The following MYOZ3 variants were observed in gnomAD, a reference collection of about 807,000 sequenced individuals.
The protein encoded by MYOZ3 is myozenin-3.
A neutral mutation model predicts 26.5 loss-of-function variants in MYOZ3; 19 were observed. The ratio of observed to expected loss-of-function variants is 0.72; its 90% CI spans 0.50 to 1.05. The LOEUF (loss-of-function observed/expected upper bound fraction) is 1.05, where lower values mean the gene tolerates loss of function less well. Ranked by LOEUF, MYOZ3 falls within the 50% of genes least tolerant of loss-of-function variation. The pLI is 0.00. For synonymous variants in MYOZ3, 135 were observed against 138.8 expected (o/e 0.97, Z 0.19); for missense variants, 322 against 337.1 (o/e 0.96, Z 0.35).
chr5:150,672,246 C>T (rs1309747298), intron 5 of MYOZ3, 94 bp from the exon 6 acceptor site: 9 of 1,534,618 alleles, frequency 5.9e-6, no homozygotes. Context: ...ATCTTCCCTC[C>T]TCCAACCGCG....
intron 2 of MYOZ3, among the ~76,000 whole-genome samples, chr5:150,667,002 A>T (rs558375686): frequency 6.6e-6 from 1 of 151,702 alleles, no homozygotes; most frequent in South Asian, 2.1e-4. Context: ...CAAGTGATCC[A>T]CCCTCCTCTG....
chr5:150,673,893 C>T (rs1340299094), intron 6 of MYOZ3, among the ~76,000 whole-genome samples: 3 of 152,114 alleles, frequency 2.0e-5, no homozygotes, highest in African/African-American at 7.2e-5. Flanking sequence ...ACAGAGAGGA[C>T]GCCACGGTCC....
chr5:150,676,585 T>C (rs991002307), intron 6 of MYOZ3, 122 bp from the exon 7 acceptor site: 6 of 762,818 alleles, frequency 7.9e-6, no homozygotes, highest in Non-Finnish European at 1.0e-5. Context: ...TCTTGCTGTA[T>C]AGAAGGGAAA....
intron 1 of MYOZ3, among the ~76,000 whole-genome samples, chr5:150,662,041 A>G (rs1758742028): frequency 6.6e-6 from 1 of 152,202 alleles, no homozygotes; most frequent in Non-Finnish European, 1.5e-5. Flanking sequence ...CAGTTGCACA[A>G]TGCAGTGCCC....
intron 6 of MYOZ3, among the ~76,000 whole-genome samples, chr5:150,676,484 C>T (rs1213802990): frequency 6.9e-6 from 1 of 144,888 alleles, no homozygotes; most frequent in East Asian, 2.0e-4. Flanking sequence ...GCGGAGGTTG[C>T]AGTGAGCTGA....
At chr5:150,660,950 C>CGTCT (rs1554113464), upstream of MYOZ3, 2 of 18,648 alleles carry the variant, frequency 1.1e-4, no homozygotes, top group African/African-American at 3.5e-4. Context: ...TTCATTCATC[C>CGTCT]ATCTATCTAT....
intron 1 of MYOZ3, among the ~76,000 whole-genome samples, chr5:150,662,150 G>T (rs192972078): frequency 5.3e-5 from 8 of 152,334 alleles, no homozygotes; most frequent in Non-Finnish European, 1.0e-4. Flanking sequence ...CAAAGGAGAA[G>T]GGTACCCAGG....
chr5:150,661,481 G>A (rs1432921458), intron 1 of MYOZ3, 54 bp downstream of exon 1: 1 of 152,322 alleles, frequency 6.6e-6, no homozygotes, highest in African/African-American at 2.4e-5. Flanking sequence ...CAGAGGAGGT[G>A]AGCCAATCCC....
rs1297052417 is a variant in MYOZ3, at chr5:150,679,245, G to A, written c.*2370G>A. On this transcript the variant is annotated 3_prime_UTR_variant, in exon 7 of 7. Coordinates refer to ENST00000517768, the MANE Select transcript of MYOZ3 (RefSeq NM_001122853.3). ...ACCAGGTATGAAAAGGAGCCTGGTG[G>A]GGAGACCACTGCACCCAAAACAAAT... 1 of 151,992 alleles carries A rather than the reference G, an allele frequency of 6.6e-6. No individual in the cohort carries two copies. The highest frequency in any genetic ancestry group is 2.4e-5 in the African/African-American group (1 of 41,236). The allele number at this position is 151,992 out of a possible 1,614,324, so 9.4% of individuals were successfully genotyped here.
chr5:150,664,955 T>C (rs753224177), intron 2 of MYOZ3, among the ~76,000 whole-genome samples: 9 of 152,202 alleles, frequency 5.9e-5, no homozygotes, highest in East Asian at 1.9e-4. Context: ...TCTGTTCATA[T>C]ATGAATGTCT....
chr5:150,671,374 A>G (rs1329225266), intron 3 of MYOZ3: 1 of 584,436 alleles, frequency 1.7e-6, no homozygotes, highest in East Asian at 2.9e-5. Context: ...GAAATTAAGT[A>G]TCTTGCCCGG....
In MYOZ3 at chr5:150,662,841, A is replaced by G. The variant is rs1758755138; in HGVS notation, c.-1-100A>G. 20 of 1,054,376 alleles carry G rather than the reference A, an allele frequency of 1.9e-5. No homozygotes were observed. In the South Asian group the frequency reaches 2.7e-4, roughly 14 times the overall value. The allele number at this position is 1,054,376 out of a possible 1,614,324, so 65.3% of individuals were successfully genotyped here. On this transcript the variant is annotated intron_variant, in intron 1 of 6. Transcript: ENST00000517768. ...TTGCTTGTGATTTGGGGCTGGCCTAAAGCTGTTCAGGACTGGGGCAGGGTG... is the reference window on the plus strand; with the variant it reads ...TTGCTTGTGATTTGGGGCTGGCCTAGAGCTGTTCAGGACTGGGGCAGGGTG...
At chr5:150,675,306 T>C (rs1758986742) in intron 6 of MYOZ3, among the ~76,000 whole-genome samples, 1 of 152,200 alleles carries the variant, frequency 6.6e-6, no homozygotes, top group Non-Finnish European at 1.5e-5. Context: ...CATTACGCTT[T>C]CGAAATCTAC....
chr5:150,671,701 C>T (rs1758913837), intron 4 of MYOZ3, 51 bp downstream of exon 4: 2 of 1,613,198 alleles, frequency 1.2e-6, no homozygotes, highest in Middle Eastern at 1.7e-4. Flanking sequence ...AAGGGGAGCG[C>T]GGCTGGGGGC....
At chr5:150,666,739 C>A (rs1253899261) in intron 2 of MYOZ3, among the ~76,000 whole-genome samples, 5 of 149,108 alleles carry the variant, frequency 3.4e-5, no homozygotes, top group African/African-American at 1.2e-4. Flanking sequence ...CTTTCCCCTC[C>A]AATTAATTTA....
At chr5:150,676,047 C>T (rs866085534) in intron 6 of MYOZ3, among the ~76,000 whole-genome samples, 18 of 152,182 alleles carry the variant, frequency 1.2e-4, no homozygotes, top group African/African-American at 4.1e-4. Flanking sequence ...CATTTCCCCC[C>T]TGATTTTCAG....
rs1283096462 is a variant in MYOZ3, at chr5:150,661,309, A to T, written c.-120A>T. On this transcript the variant is annotated 5_prime_UTR_variant, in exon 1 of 7. Coordinates refer to ENST00000517768, the MANE Select transcript of MYOZ3 (RefSeq NM_001122853.3). The stretch of plus-strand genomic sequence containing the variant: ...GCAGGGGACACCCTGCTCGCTGCCT[A>T]CTGACTGCTGACCGCTGACTGCCTA... 1.3e-5 allele frequency: 2 copies of T among 152,466 alleles called. No individual in the cohort carries two copies. The highest frequency in any genetic ancestry group is 2.4e-5 in the African/African-American group (1 of 41,468). The allele number at this position is 152,466 out of a possible 1,614,324, so 9.4% of individuals were successfully genotyped here.
rs73276169 is a variant in MYOZ3, at chr5:150,672,217, G to C, written c.425-123G>C. ...GCAACTGTGGCTTCCCATTCCCGCC[G>C]TCCTCTCCCCTAACTCCGATCTTCC... On this transcript the variant is annotated intron_variant, in intron 5 of 6. Transcript: ENST00000517768. The C allele has an allele frequency of 0.026, 37,203 of 1,422,914 alleles. 4,018 individuals are homozygous for C. In the African/African-American group the frequency reaches 0.3, roughly 11 times the overall value. 88.1% of individuals were successfully genotyped at this position (1,422,914 alleles called of 1,614,324 possible).
At position 150,662,667 on chromosome 5, in the gene MYOZ3, A is replaced by G. The variant is rs369084613; in HGVS notation, c.-1-274A>G. On this transcript the variant is annotated intron_variant, in intron 1 of 6. Transcript: ENST00000517768. ...TCTGATCAGGATGCCAGAGCTGGGA[A>G]AAGGCCCTAGAAACCACCCCTGAAG... is the stretch of plus-strand genomic sequence containing the variant. 4.6e-5 allele frequency among the ~76,000 whole-genome samples: 7 copies of G among 152,160 alleles called. No individual in the cohort carries two copies. The East Asian group carries it at 1.3e-3, about 29-fold the overall frequency.
Sources: allele counts gnomAD v4.1 joint callset (sites outside exome capture counted in the v4.1 genomes callset), GRCh38; gene constraint gnomAD v4.1.1; transcripts MANE v1.5; gene names NCBI Gene and HGNC (gene_info 2026-07-23, HGNC 2026-07-21).